HPSE2: variants seen among roughly 807,000 people sequenced by gnomAD.
The protein encoded by HPSE2 is inactive heparanase-2.
In HPSE2, 38 loss-of-function variants were observed where a neutral mutation model predicts 60.5. That is an observed-to-expected ratio of 0.63 (90% confidence interval 0.48 to 0.82). HPSE2 has a LOEUF of 0.82. HPSE2 is among the 40% of genes least tolerant of loss of function. HPSE2 has a pLI of 0.00. For missense variants in HPSE2, 713 were observed against 740.4 expected, an observed-to-expected ratio of 0.96 and a Z score of 0.43; for synonymous variants, 295 against 293.2, an observed-to-expected ratio of 1.01 and a Z score of -0.06.
chr10:98,934,388 C>T (rs186890228), intron 3 of HPSE2, among the ~76,000 whole-genome samples: 3 of 144,382 alleles, frequency 2.1e-5, no homozygotes, highest in Non-Finnish European at 4.5e-5. Context: ...CTGTGTACTT[C>T]AGTGTGTTTT....
chr10:98,550,585 C>T (rs1274619499), intron 9 of HPSE2, among the ~76,000 whole-genome samples: 1 of 151,816 alleles, frequency 6.6e-6, no homozygotes, highest in Non-Finnish European at 1.5e-5. Context: ...TCTCCTGCCT[C>T]AGCCCCTGAG....
At chr10:99,183,858 G>C (rs947537723) in intron 2 of HPSE2, among the ~76,000 whole-genome samples, 1 of 152,130 alleles carries the variant, frequency 6.6e-6, no homozygotes, top group Non-Finnish European at 1.5e-5. Context: ...TTCATAACAC[G>C]TAAGGCACTG....
At chr10:98,671,689 A>C (rs1412261504) in intron 6 of HPSE2, among the ~76,000 whole-genome samples, 1 of 152,224 alleles carries the variant, frequency 6.6e-6, no homozygotes, top group East Asian at 1.9e-4. Context: ...AGGGAAGGGA[A>C]AGAAGGAAAT....
At chr10:98,953,689 A>T (rs982954554) in intron 3 of HPSE2, among the ~76,000 whole-genome samples, 1 of 152,152 alleles carries the variant, frequency 6.6e-6, no homozygotes, top group East Asian at 1.9e-4. Context: ...TAGAGAGTGA[A>T]AAAAACAGGC....
chr10:98,945,016 G>GT (rs1955137618), intron 3 of HPSE2, among the ~76,000 whole-genome samples: 1 of 152,108 alleles, frequency 6.6e-6, no homozygotes, highest in Non-Finnish European at 1.5e-5. Context: ...CGCCACAATG[G>GT]TTGCTCAATC....
chr10:98,495,981 T>C (rs748107485), intron 9 of HPSE2, among the ~76,000 whole-genome samples: 43 of 152,216 alleles, frequency 2.8e-4, no homozygotes, highest in Non-Finnish European at 5.6e-4. Flanking sequence ...CATTTGAATC[T>C]AATAATGTGG....
intron 9 of HPSE2, among the ~76,000 whole-genome samples, chr10:98,542,294 A>C (rs997094964): frequency 1.6e-4 from 24 of 152,186 alleles, no homozygotes; most frequent in African/African-American, 2.9e-4. Context: ...AAACTAACAA[A>C]CAGAAAGGAC....
chr10:98,984,468 C>T (rs1444223004), intron 3 of HPSE2, among the ~76,000 whole-genome samples: 1 of 152,164 alleles, frequency 6.6e-6, no homozygotes, highest in African/African-American at 2.4e-5. Context: ...ACAGAAAGGA[C>T]ATCCACACCA....
Position 99,126,617 on chromosome 10 carries a change from T to C in HPSE2, c.610+17621A>G, listed in dbSNP as rs949778388. On this transcript the variant is annotated intron_variant, in intron 3 of 11. Coordinates refer to ENST00000370552, the MANE Select transcript of HPSE2 (RefSeq NM_021828.5). The surrounding 1 kb of genome is among the most constrained non-coding windows in gnomAD (Gnocchi z 4.0). The stretch of plus-strand genomic sequence containing the variant: ...GGAAACAACAGGTAATTCTACTGCC[T>C]GCAACATCCTGGCTAACCAGAGGTT... Among the ~76,000 whole-genome samples, 1 of 152,124 alleles carries C rather than the reference T, an allele frequency of 6.6e-6. No individual in the cohort carries two copies. The highest frequency in any genetic ancestry group is 1.5e-5 in the Non-Finnish European group (1 of 68,032).
At chr10:99,184,827 G>A (rs1222879900) in intron 2 of HPSE2, among the ~76,000 whole-genome samples, 11 of 40,324 alleles carry the variant, frequency 2.7e-4, no homozygotes, top group South Asian at 1.5e-3. Flanking sequence ...TATAGAGAGA[G>A]AGAGAGAGAG....
intron 3 of HPSE2, among the ~76,000 whole-genome samples, chr10:99,100,771 C>A (rs1843935930): frequency 1.3e-5 from 2 of 152,098 alleles, no homozygotes; most frequent in Non-Finnish European, 2.9e-5. Flanking sequence ...AAAGGGAAGC[C>A]CATCAGACTA....
At chr10:98,465,315 A>T (rs186156999) in intron 11 of HPSE2, among the ~76,000 whole-genome samples, 307 of 152,320 alleles carry the variant, frequency 2.0e-3, no homozygotes, top group African/African-American at 7.0e-3. Flanking sequence ...CCTTACAACA[A>T]TTGAGGCAGG....
chr10:98,842,439 A>G (rs986917138), intron 3 of HPSE2, among the ~76,000 whole-genome samples: 16 of 151,860 alleles, frequency 1.1e-4, no homozygotes, highest in African/African-American at 3.4e-4. Context: ...GAGTTTGCCA[A>G]TCTGTCATGT....
chr10:98,923,295 C>A (rs1388112076), intron 3 of HPSE2, among the ~76,000 whole-genome samples: 1 of 152,152 alleles, frequency 6.6e-6, no homozygotes, highest in Non-Finnish European at 1.5e-5. Context: ...TGTGTTGTTT[C>A]TTTTCTCTTG....
intron 11 of HPSE2, among the ~76,000 whole-genome samples, chr10:98,466,692 C>G (rs1239510478): frequency 6.6e-6 from 1 of 152,022 alleles, no homozygotes; most frequent in South Asian, 2.1e-4. Context: ...ACTAGTTTCT[C>G]CATCTGTAAG....
intron 3 of HPSE2, among the ~76,000 whole-genome samples, chr10:98,982,974 C>A (rs1330712410): frequency 1.3e-5 from 2 of 152,098 alleles, no homozygotes; most frequent in Non-Finnish European, 2.9e-5. Flanking sequence ...GTAGGTCATA[C>A]AAATTCTTTC....
At chr10:99,077,992 T>C (rs1247685100) in intron 3 of HPSE2, among the ~76,000 whole-genome samples, 2 of 152,072 alleles carry the variant, frequency 1.3e-5, no homozygotes, top group Non-Finnish European at 2.9e-5. Flanking sequence ...GATCTGGTTA[T>C]GTAAAAGAGT....
intron 3 of HPSE2, among the ~76,000 whole-genome samples, chr10:99,132,419 C>A (rs1481869599): frequency 2.0e-5 from 3 of 152,060 alleles, no homozygotes; most frequent in African/African-American, 7.2e-5. Flanking sequence ...TCACAAGAAT[C>A]ATTTAAAAGA....
intron 6 of HPSE2, among the ~76,000 whole-genome samples, chr10:98,666,549 A>G (rs535924797): frequency 2.6e-5 from 4 of 152,362 alleles, no homozygotes; most frequent in African/African-American, 9.6e-5. Context: ...GCAAGTCTCA[A>G]TAAATTTAAA....
Sources: allele counts gnomAD v4.1 joint callset (sites outside exome capture counted in the v4.1 genomes callset), GRCh38; gene constraint gnomAD v4.1.1; non-coding constraint Gnocchi (gnomAD v3.1); transcripts MANE v1.5; gene names NCBI Gene and HGNC (gene_info 2026-07-23, HGNC 2026-07-21).